DOCK3: variants seen among roughly 807,000 people sequenced by gnomAD.
DOCK3 encodes dedicator of cytokinesis protein 3.
In DOCK3, 60 loss-of-function variants were observed where a neutral mutation model predicts 265.6. That is an observed-to-expected ratio of 0.23 (90% confidence interval 0.18 to 0.28). DOCK3 has a LOEUF of 0.28. DOCK3 is among the 10% of genes least tolerant of loss of function. The probability of loss-of-function intolerance (pLI) is 1.00; values close to 1 mark genes in which losing one functional copy is unlikely to be tolerated. For missense variants in DOCK3, 1,981 were observed against 2,594.3 expected (o/e 0.76, Z 5.14); for synonymous variants, 881 against 938.0 (o/e 0.94, Z 1.11).
intron 5 of DOCK3, among the ~76,000 whole-genome samples, chr3:50,973,464 G>T (rs556789302): frequency 1.4e-5 from 2 of 140,518 alleles, no homozygotes; most frequent in Admixed American, 7.3e-5. Flanking sequence ...CAAAGGACAT[G>T]AACTCATCAT....
At chr3:50,789,504 G>T (rs184152555) in intron 2 of DOCK3, among the ~76,000 whole-genome samples, 1 of 152,110 alleles carries the variant, frequency 6.6e-6, no homozygotes, top group Non-Finnish European at 1.5e-5. Flanking sequence ...TTGTTCTAGG[G>T]TATAGTTTAA....
intron 3 of DOCK3, among the ~76,000 whole-genome samples, chr3:50,868,909 T>G: frequency 6.8e-6 from 1 of 147,192 alleles, no homozygotes; most frequent in Non-Finnish European, 1.5e-5. Flanking sequence ...CTGTTTTTTT[T>G]TTTTTTTTTT....
intron 5 of DOCK3, among the ~76,000 whole-genome samples, chr3:50,936,812 A>G (rs560920364): frequency 6.6e-6 from 1 of 152,242 alleles, no homozygotes; most frequent in East Asian, 1.9e-4. Context: ...CTATAAAGGA[A>G]GTTGTTCAGA....
At chr3:50,782,738 G>A (rs1413733059) in intron 2 of DOCK3, among the ~76,000 whole-genome samples, 5 of 151,754 alleles carry the variant, frequency 3.3e-5, no homozygotes, top group Admixed American at 6.6e-5. Flanking sequence ...CCCATCACCC[G>A]AGCAGTGTAC....
intron 40 of DOCK3, among the ~76,000 whole-genome samples, chr3:51,350,926 C>T (rs913025537): frequency 6.6e-6 from 1 of 152,232 alleles, no homozygotes; most frequent in African/African-American, 2.4e-5. Context: ...CTGCCAAGCA[C>T]TGGGTTTGGC....
At chr3:51,238,144 T>C (rs2078433090) in intron 21 of DOCK3, among the ~76,000 whole-genome samples, 1 of 105,912 alleles carries the variant, frequency 9.4e-6, no homozygotes, top group South Asian at 3.5e-4. Context: ...TTTTTTTTTT[T>C]TTTTTTTTTT....
intron 5 of DOCK3, among the ~76,000 whole-genome samples, chr3:51,062,324 C>T (rs1326793330): frequency 6.6e-6 from 1 of 152,206 alleles, no homozygotes; most frequent in African/African-American, 2.4e-5. Context: ...TCTTCCCTTT[C>T]TCAAGACACA....
In DOCK3 at chr3:51,230,039, G is replaced by A. The variant is rs9826735; in HGVS notation, c.1917+430G>A. On this transcript the variant is annotated intron_variant, in intron 19 of 52. Transcript: ENST00000266037. ...AATGTCCTCCAGTTGTATCCATGTT[G>A]TCTCAAATGACAAGATCTCTCCCAT... Among the ~76,000 whole-genome samples, 711 of 152,264 alleles carry A rather than the reference G, an allele frequency of 4.7e-3. 9 individuals carry two copies. The highest frequency in any genetic ancestry group is 0.016 in the African/African-American group (683 of 41,550).
intron 1 of DOCK3, among the ~76,000 whole-genome samples, chr3:50,683,829 G>GCC (rs2034582492): frequency 8.7e-5 from 1 of 11,510 alleles, no homozygotes; most frequent in Non-Finnish European, 2.3e-4. Flanking sequence ...TCCCCTCCCC[G>GCC]CTCTCCTCCC....
At chr3:51,081,408 A>G (rs752092060) in intron 7 of DOCK3, among the ~76,000 whole-genome samples, 1 of 152,206 alleles carries the variant, frequency 6.6e-6, no homozygotes, top group African/African-American at 2.4e-5. Context: ...ATGACTTTCT[A>G]TAATAACTAA....
At position 51,245,430 on chromosome 3, in the gene DOCK3, G is replaced by A. The variant is rs185795172; in HGVS notation, c.2103-1296G>A. On this transcript the variant is annotated intron_variant, in intron 21 of 52. Coordinates refer to ENST00000266037, the MANE Select transcript of DOCK3 (RefSeq NM_004947.5). The stretch of plus-strand genomic sequence containing the variant: ...TTTTGAGACGGAGTCTTGCACTGTC[G>A]CCTGGGCTGGAGTGCAATGGCCTGA... Among the ~76,000 whole-genome samples, 823 of 133,092 alleles carry A rather than the reference G, an allele frequency of 6.2e-3. 8 individuals are homozygous for A. The highest frequency in any genetic ancestry group is 0.022 in the African/African-American group (764 of 34,360). The allele number at this position is 133,092 out of a possible 152,430, so 87.3% of individuals were successfully genotyped here. A position where few individuals can be genotyped will look rare whatever the true frequency, so the allele number is the denominator to read the frequency against.
chr3:50,891,432 A>G (rs1315031880), intron 4 of DOCK3, among the ~76,000 whole-genome samples: 1 of 152,120 alleles, frequency 6.6e-6, no homozygotes, highest in Non-Finnish European at 1.5e-5. Flanking sequence ...ATGTAAAGCC[A>G]TAAGGACATA....
chr3:50,885,000 AAT>A lies in DOCK3; in HGVS notation c.163-5024_163-5023del, dbSNP rs569780651. Among the ~76,000 whole-genome samples, 3 of 152,308 alleles carry A rather than the reference AAT, an allele frequency of 2.0e-5. No individual in the cohort carries two copies. In the South Asian group the frequency reaches 6.2e-4, roughly 32 times the overall value. On this transcript the variant is annotated intron_variant, in intron 3 of 52. Transcript: ENST00000266037. ...TAGCTATCATTACGGTACCATACAG[AAT>A]AGTTTCACTGTCCTAACAATGTCCT...
intron 22 of DOCK3, among the ~76,000 whole-genome samples, chr3:51,250,184 CTTGT>C (rs1255993909): frequency 2.0e-5 from 3 of 151,380 alleles, no homozygotes; most frequent in Non-Finnish European, 2.9e-5. Context: ...CCTTTGTTCA[CTTGT>C]TTATCTGCTG....
intron 5 of DOCK3, among the ~76,000 whole-genome samples, chr3:51,059,899 A>G (rs1560004487): frequency 1.3e-5 from 2 of 152,022 alleles, no homozygotes; most frequent in Non-Finnish European, 2.9e-5. Context: ...TGCATCATCA[A>G]ATTTTCTCCC....
At chr3:50,977,677 C>G (rs1033276935) in intron 5 of DOCK3, among the ~76,000 whole-genome samples, 2 of 152,212 alleles carry the variant, frequency 1.3e-5, no homozygotes, top group African/African-American at 2.4e-5. Context: ...TTTCCTGAAT[C>G]TGAACGTTGG....
intron 5 of DOCK3, among the ~76,000 whole-genome samples, chr3:50,940,359 C>A (rs2076256862): frequency 6.7e-6 from 1 of 148,798 alleles, no homozygotes; most frequent in Admixed American, 6.7e-5. Flanking sequence ...AGAACATGCA[C>A]AAGATCTGTA....
At chr3:50,755,642 ACT>A (rs1038215472) in intron 1 of DOCK3, among the ~76,000 whole-genome samples, 62 of 152,188 alleles carry the variant, frequency 4.1e-4, no homozygotes, top group Admixed American at 1.3e-4. Flanking sequence ...CAGGAAAGAA[ACT>A]CTGTGCCCAA....
At chr3:50,790,270 A>G (rs2042399140) in intron 2 of DOCK3, among the ~76,000 whole-genome samples, 1 of 152,260 alleles carries the variant, frequency 6.6e-6, no homozygotes, top group South Asian at 2.1e-4. Context: ...GCCATTCTGT[A>G]TCTTTTAAGT....
Sources: gnomAD v4.1 joint callset for allele counts (sites outside exome capture counted in the v4.1 genomes callset) on GRCh38, gnomAD v4.1.1 for gene constraint, MANE v1.5 for transcripts, NCBI Gene and HGNC (gene_info 2026-07-23, HGNC 2026-07-21) for gene names.